Variants in FAN1 observed in about 807,000 individuals in gnomAD.
The protein encoded by FAN1 is FANCD2 and FANCI associated nuclease 1.
Under a neutral mutation model 104.9 loss-of-function variants are expected in FAN1, and 91 were observed. The ratio of observed to expected loss-of-function variants is 0.87; its 90% CI spans 0.73 to 1.03. The LOEUF is 1.03. Ranked by LOEUF, FAN1 falls within the 50% of genes least tolerant of loss-of-function variation. The pLI is 0.00. For missense variants in FAN1, 1,263 were observed against 1,239.9 expected (o/e 1.02, Z -0.28); for synonymous variants, 478 against 457.6 (o/e 1.04, Z -0.57).
At chr15:30,932,863 C>T (rs1214278626) in intron 13 of FAN1, among the ~76,000 whole-genome samples, 5 of 151,476 alleles carry the variant, frequency 3.3e-5, no homozygotes, top group Admixed American at 2.6e-4. Context: ...CAGCTGTGCA[C>T]CACCATGCCT....
At chr15:30,908,765 C>T (rs539183260) in intron 3 of FAN1, among the ~76,000 whole-genome samples, 3 of 152,268 alleles carry the variant, frequency 2.0e-5, no homozygotes, top group South Asian at 4.1e-4. Flanking sequence ...CACTTGAACC[C>T]GGGAGGCTGA....
At chr15:30,908,781 C>T (rs930865281) in intron 3 of FAN1, among the ~76,000 whole-genome samples, 2 of 152,172 alleles carry the variant, frequency 1.3e-5, no homozygotes, top group Non-Finnish European at 2.9e-5. Context: ...GCTGAGGTTG[C>T]GGTGAGCTGA....
intron 13 of FAN1, among the ~76,000 whole-genome samples, chr15:30,932,964 C>T (rs2062755174): frequency 1.3e-5 from 2 of 151,800 alleles, no homozygotes; most frequent in Admixed American, 6.6e-5. Flanking sequence ...TTCAGATCTG[C>T]CCACCTTGGC....
chr15:30,941,053 C>A, intron 14 of FAN1: 3 of 1,189,632 alleles, frequency 2.5e-6, no homozygotes, highest in Non-Finnish European at 2.1e-6. Flanking sequence ...TGAATACTTC[C>A]TAAAACCTGC....
At chr15:30,904,409 C>G (rs1484971121) in intron 1 of FAN1, 103 bp from the exon 2 acceptor site, 1 of 566,080 alleles carries the variant, frequency 1.8e-6, no homozygotes, top group Non-Finnish European at 3.1e-6. Context: ...TCAGGGTTGT[C>G]TCCTCGTTAC....
intron 5 of FAN1, among the ~76,000 whole-genome samples, chr15:30,916,133 C>T (rs542748829): frequency 6.6e-6 from 1 of 152,256 alleles, no homozygotes; most frequent in South Asian, 2.1e-4. Flanking sequence ...TCTAATAAGA[C>T]TGTTTATTCT....
chr15:30,919,726 A>T (rs1389164261), intron 6 of FAN1, among the ~76,000 whole-genome samples: 2 of 151,312 alleles, frequency 1.3e-5, no homozygotes, highest in Admixed American at 1.3e-4. Context: ...CATAAGGAAG[A>T]GAAAACATAT....
At chr15:30,928,715 C>T in intron 11 of FAN1, 59 bp downstream of exon 11, 1 of 1,609,080 alleles carries the variant, frequency 6.2e-7, no homozygotes, top group Non-Finnish European at 8.5e-7. Flanking sequence ...TGGCTCACGC[C>T]CACCTGGGCA....
rs2062878181 is a variant in FAN1 at position 30,937,149 on chromosome 15, C to CT, written c.2950dup (p.Ser984PhefsTer3). On this transcript the variant is annotated frameshift_variant, in exon 14 of 15. Coordinates refer to ENST00000362065, the MANE Select transcript of FAN1 (RefSeq NM_014967.5). LOFTEE classifies it high-confidence loss of function. ...GGAAGTTAAAGGCCCCAATGATCGT[C>CT]TTTCACATAAGCAGATGATCTGGCT... 6.2e-7 allele frequency: 1 copy of CT among 1,613,788 alleles called. No individual in the cohort carries two copies. The highest frequency in any genetic ancestry group is 1.3e-5 in the African/African-American group (1 of 74,906).
Position 30,922,184 on chromosome 15 carries a change from A to G in FAN1, c.2053-51A>G, listed in dbSNP as rs1014625845. ...CCTATGGGCTTGTAAATATCATTGC[A>G]GCTGGATTTTTTGTGAATCTAATGA... On this transcript the variant is annotated intron_variant, in intron 7 of 14. Coordinates refer to ENST00000362065, the MANE Select transcript of FAN1 (RefSeq NM_014967.5). 3 of 1,588,034 alleles carry G rather than the reference A, an allele frequency of 1.9e-6. No homozygotes were observed. The African/African-American group carries it at 4.1e-5, about 22-fold the overall frequency.
Position 30,905,030 on chromosome 15 carries a change from CAGA to C in FAN1, c.371_373del (p.Lys124del), listed in dbSNP as rs764194508. On this transcript the variant is annotated inframe_deletion, in exon 2 of 15. Coordinates refer to ENST00000362065, the MANE Select transcript of FAN1 (RefSeq NM_014967.5). The stretch of plus-strand genomic sequence containing the variant: ...TGATTCAGCAAAAAGGGAAGTAAAG[CAGA>C]AGATCAGTCCCTACTTTAAAAGTAA... 2.9e-5 allele frequency: 46 copies of C among 1,614,022 alleles called. No homozygotes were observed. The East Asian group carries it at 7.8e-4, about 27-fold the overall frequency.
chr15:30,935,396 T>C (rs2062825204), intron 13 of FAN1, among the ~76,000 whole-genome samples: 1 of 152,186 alleles, frequency 6.6e-6, no homozygotes, highest in African/African-American at 2.4e-5. Context: ...TCTGTATCCA[T>C]GGTTTCTGCT....
At chr15:30,919,702 A>AAT (rs1484307747) in intron 6 of FAN1, among the ~76,000 whole-genome samples, 1 of 151,444 alleles carries the variant, frequency 6.6e-6, no homozygotes, top group African/African-American at 2.4e-5. Context: ...GAAAAAAAAA[A>AAT]AAAAAAAGAA....
At chr15:30,937,089 A>G in intron 13 of FAN1, 30 bp from the exon 14 acceptor site, 1 of 1,594,792 alleles carries the variant, frequency 6.3e-7, no homozygotes, top group Non-Finnish European at 8.6e-7. Flanking sequence ...GTAAGATACT[A>G]ATAACAACTT....
intron 13 of FAN1, among the ~76,000 whole-genome samples, chr15:30,932,771 T>C (rs1305545344): frequency 6.6e-6 from 1 of 150,418 alleles, no homozygotes; most frequent in Non-Finnish European, 1.5e-5. Flanking sequence ...TGGAGTGTAG[T>C]AGCGTGAGTT....
rs73381362 is a variant in FAN1, at chr15:30,925,535, C to T, written c.2337+244C>T. Among the ~76,000 whole-genome samples, 5,712 of 152,256 alleles carry T rather than the reference C, an allele frequency of 0.038. 356 individuals are homozygous for T. Among genetic ancestry groups the T allele is most frequent in the African/African-American group, 0.13 (5,417 of 41,520 alleles). Reference sequence around the variant, plus strand: ...TGAGTGACAGATCTCCTGAATGGGGCCTCTCAGCATCTGCCCCGGTTTCAT... The same window carrying T: ...TGAGTGACAGATCTCCTGAATGGGGTCTCTCAGCATCTGCCCCGGTTTCAT... On this transcript the variant is annotated intron_variant, in intron 9 of 14. Transcript: ENST00000362065.
intron 6 of FAN1, among the ~76,000 whole-genome samples, chr15:30,919,367 A>G (rs1283281220): frequency 7.5e-6 from 1 of 132,684 alleles, no homozygotes; most frequent in Non-Finnish European, 1.6e-5. Flanking sequence ...GCCACGAGCA[A>G]AACTCCGTCT....
At chr15:30,910,164 C>T (rs1266442126) in intron 3 of FAN1, among the ~76,000 whole-genome samples, 4 of 152,218 alleles carry the variant, frequency 2.6e-5, no homozygotes, top group African/African-American at 9.7e-5. Flanking sequence ...AGGTTGGTGT[C>T]GGGGCCCACA....
intron 6 of FAN1, among the ~76,000 whole-genome samples, chr15:30,919,906 A>C (rs979661534): frequency 6.6e-6 from 1 of 152,166 alleles, no homozygotes; most frequent in African/African-American, 2.4e-5. Context: ...GTTTAAACCC[A>C]TGTTGTCCAG....
Sources: gnomAD v4.1 joint callset for allele counts (sites outside exome capture counted in the v4.1 genomes callset) on GRCh38, gnomAD v4.1.1 for gene constraint, MANE v1.5 for transcripts, NCBI Gene and HGNC (gene_info 2026-07-23, HGNC 2026-07-21) for gene names.